Variants in C16orf96 observed in about 807,000 individuals in gnomAD.
C16orf96 encodes uncharacterized protein C16orf96.
Under a neutral mutation model 103.6 loss-of-function variants are expected in C16orf96, and 108 were observed. That is an observed-to-expected ratio of 1.04 (90% CI 0.89 to 1.22). C16orf96 has a LOEUF of 1.22. Among genes scored for constraint, C16orf96 ranks in the 50% most tolerant of loss-of-function variants. The probability of loss-of-function intolerance (pLI) is 0.00; values close to 1 mark genes in which losing one functional copy is unlikely to be tolerated. For synonymous variants in C16orf96, 566 were observed against 593.5 expected, an observed-to-expected ratio of 0.95 and a Z score of 0.67; for missense variants, 1,586 against 1,464.2, an observed-to-expected ratio of 1.08 and a Z score of -1.36.
intron 2 of C16orf96, among the ~76,000 whole-genome samples, chr16:4,573,305 T>G (rs1427011977): frequency 4.6e-5 from 7 of 151,600 alleles, no homozygotes; most frequent in Non-Finnish European, 2.9e-5. Flanking sequence ...TGGGTGTGGT[T>G]GCAGGCACCC....
chr16:4,547,372 A>G, the C16orf96 span, among the ~76,000 whole-genome samples: 1 of 152,132 alleles, frequency 6.6e-6, no homozygotes, highest in Non-Finnish European at 1.5e-5. Context: ...CCTGACCTCA[A>G]GTAATCCACC....
intron 8 of C16orf96, among the ~76,000 whole-genome samples, chr16:4,587,431 G>A (rs1401404642): frequency 2.6e-5 from 4 of 151,756 alleles, no homozygotes; most frequent in African/African-American, 7.3e-5. Context: ...GAGAGGCTGA[G>A]GCAGGAGAAT....
chr16:4,553,400 T>TG (rs2059239199), upstream of C16orf96, among the ~76,000 whole-genome samples: 1 of 152,092 alleles, frequency 6.6e-6, no homozygotes, highest in African/African-American at 2.4e-5. Flanking sequence ...TTATTTGAGA[T>TG]GGGGTCTCAC....
At chr16:4,580,398 G>A (rs956245965) in intron 7 of C16orf96, among the ~76,000 whole-genome samples, 10 of 149,148 alleles carry the variant, frequency 6.7e-5, no homozygotes, top group African/African-American at 2.5e-4. Context: ...GGCAGGGGTA[G>A]TGAAGGCTCC....
the C16orf96 span, among the ~76,000 whole-genome samples, chr16:4,548,376 C>A: frequency 6.6e-6 from 1 of 152,208 alleles, no homozygotes; most frequent in Non-Finnish European, 1.5e-5. Context: ...AAAGCCACCA[C>A]CTCTTATTTT....
chr16:4,594,848 G>T, intron 14 of C16orf96, 45 bp downstream of exon 14: 1 of 1,532,244 alleles, frequency 6.5e-7, no homozygotes, highest in Non-Finnish European at 8.8e-7. Context: ...CTGGGGCCCT[G>T]GTTCTGCTGG....
rs768811033 is a variant in C16orf96 at position 4,600,340 on chromosome 16, A to G, written c.*23A>G. The G allele has an allele frequency of 5.7e-5, 71 of 1,255,620 alleles. No individual in the cohort carries two copies. The highest frequency in any genetic ancestry group is 9.2e-5 in the African/African-American group (3 of 32,482). The allele number at this position is 1,255,620 out of a possible 1,614,324, so 77.8% of individuals were successfully genotyped here. A position where few individuals can be genotyped will look rare whatever the true frequency, so the allele number is the denominator to read the frequency against. ...TGAGCCCCACCCCGCTGCGCCCCCC[A>G]TCGCCAAGTCCCCTCCACGTCCGAG... On this transcript the variant is annotated 3_prime_UTR_variant, in exon 16 of 16. Transcript: ENST00000444310.
In C16orf96 at chr16:4,581,141, C is replaced by CATATATATAT. The variant is rs58065868; in HGVS notation, c.2352+1050_2352+1059dup. Among the ~76,000 whole-genome samples the CATATATATAT allele has an allele frequency of 5.1e-3, 237 of 46,728 alleles. 6 individuals carry two copies. Among genetic ancestry groups the CATATATATAT allele is most frequent in the East Asian group, 7.4e-3 (6 of 814 alleles). The allele number at this position is 46,728 out of a possible 152,430, so 30.7% of individuals were successfully genotyped here. Reference sequence around the variant, plus strand: ...CTCTGTCTAAAAATATATATGTATACATATATATATATATATATATATATA... The same window carrying CATATATATAT: ...CTCTGTCTAAAAATATATATGTATACATATATATATATATATATATATATATATATATATA... On this transcript the variant is annotated intron_variant, in intron 7 of 15. Transcript: ENST00000444310.
chr16:4,554,445 G>A (rs990094381), upstream of C16orf96, among the ~76,000 whole-genome samples: 9 of 151,796 alleles, frequency 5.9e-5, no homozygotes, highest in African/African-American at 2.2e-4. Context: ...CCGCCTCCCA[G>A]ATTCAAACGA....
Position 4,574,960 on chromosome 16 carries a change from C to T in C16orf96, c.607-12C>T. The T allele has an allele frequency of 6.4e-7, 1 of 1,551,024 alleles. No individual in the cohort carries two copies. Among genetic ancestry groups the T allele is most frequent in the Non-Finnish European group, 8.7e-7 (1 of 1,146,708 alleles). On this transcript the variant is annotated splice_polypyrimidine_tract_variant and intron_variant, in intron 3 of 15. Coordinates refer to ENST00000444310, the MANE Select transcript of C16orf96 (RefSeq NM_001145011.2). Reference sequence around the variant, plus strand: ...AGGCTCACAGCCCTCATTTTCTACCCCCACCTTGCAGGCTTCTCTCCAGAA... The same window carrying T: ...AGGCTCACAGCCCTCATTTTCTACCTCCACCTTGCAGGCTTCTCTCCAGAA...
intron 1 of C16orf96, among the ~76,000 whole-genome samples, chr16:4,569,029 G>A (rs1325188161): frequency 6.6e-6 from 1 of 152,072 alleles, no homozygotes; most frequent in African/African-American, 2.4e-5. Context: ...GAGAGCAGTG[G>A]CATAATCTTG....
chr16:4,594,840 G>A (rs764693092), intron 14 of C16orf96, 37 bp downstream of exon 14: 2 of 1,542,266 alleles, frequency 1.3e-6, no homozygotes, highest in South Asian at 2.4e-5. Flanking sequence ...ACCCTTGCCT[G>A]GGGCCCTGGT....
intron 2 of C16orf96, 85 bp from the exon 3 acceptor site, chr16:4,574,624 G>T: frequency 9.3e-7 from 1 of 1,070,498 alleles, no homozygotes; most frequent in African/African-American, 1.6e-5. Context: ...TCCTTCTCAA[G>T]CTCTTAGTCA....
chr16:4,572,699 C>T (rs557035704), intron 2 of C16orf96, among the ~76,000 whole-genome samples: 2 of 152,252 alleles, frequency 1.3e-5, no homozygotes, highest in Non-Finnish European at 2.9e-5. Flanking sequence ...TTCCACCAAC[C>T]TAGCAAAAAG....
At chr16:4,549,204 G>A in the C16orf96 span, among the ~76,000 whole-genome samples, 1 of 152,104 alleles carries the variant, frequency 6.6e-6, no homozygotes, top group African/African-American at 2.4e-5. Flanking sequence ...GCCGGGCGCG[G>A]TGGCTCACGC....
chr16:4,585,983 G>T (rs1372292303), intron 7 of C16orf96, among the ~76,000 whole-genome samples: 2 of 152,206 alleles, frequency 1.3e-5, no homozygotes, highest in African/African-American at 4.8e-5. Context: ...ATTGGAGCCA[G>T]GCGCGGTGGC....
At chr16:4,539,905 T>G in the C16orf96 span, among the ~76,000 whole-genome samples, 17 of 152,260 alleles carry the variant, frequency 1.1e-4, no homozygotes, top group African/African-American at 4.1e-4. Context: ...CAACACCCTG[T>G]GATTTCATCT....
In C16orf96 at chr16:4,571,602, A is replaced by C. The variant is rs376409573; in HGVS notation, c.462A>C (p.Ala154=). ...AGGACTTGCTCACTGATCTTCATGC[A>C]CTCCAGGTCACCATCACAGCCCTCA... is the stretch of plus-strand genomic sequence containing the variant. ...TLQDLLTDLH[A]LQVTITALRK... The change falls in exon 2 of 16, where the codon GCA becomes GCC. Residue 154 remains alanine, a synonymous_variant. Transcript: ENST00000444310. 1.6e-4 allele frequency: 253 copies of C among 1,552,216 alleles called. No homozygotes were observed. The highest frequency in any genetic ancestry group is 1.0e-3 in the Middle Eastern group (6 of 5,998).
intron 1 of C16orf96, chr16:4,563,237 G>A (rs745948485): frequency 1.7e-4 from 87 of 502,628 alleles, no homozygotes; most frequent in Non-Finnish European, 2.9e-4. Flanking sequence ...TTGCTCGTTC[G>A]CTCATGACTG....
Sources: gnomAD v4.1 joint callset for allele counts (sites outside exome capture counted in the v4.1 genomes callset) on GRCh38, gnomAD v4.1.1 for gene constraint, MANE v1.5 for transcripts, NCBI Gene and HGNC (gene_info 2026-07-23, HGNC 2026-07-21) for gene names.